The following PLD5 variants were observed in gnomAD, a reference collection of about 807,000 sequenced individuals.
The protein encoded by PLD5 is inactive phospholipase D5.
PLD5 carries 36 observed loss-of-function variants against 61.1 expected under a neutral mutation model. The ratio of observed to expected loss-of-function variants is 0.59; its 90% confidence interval spans 0.45 to 0.78. PLD5 has a LOEUF of 0.78. PLD5 is among the 30% of genes least tolerant of loss of function. The pLI is 0.00. For missense variants in PLD5, 515 were observed against 644.4 expected (o/e 0.80, Z 2.17); for synonymous variants, 243 against 242.8 (o/e 1.00, Z -0.01).
intron 1 of PLD5, among the ~76,000 whole-genome samples, chr1:242,499,592 C>T (rs561157390): frequency 6.6e-6 from 1 of 151,880 alleles, no homozygotes; most frequent in African/African-American, 2.4e-5. Context: ...CTTGTTTTTT[C>T]ACTTTTTGTT....
At chr1:242,234,153 T>G (rs1010836718) in intron 4 of PLD5, among the ~76,000 whole-genome samples, 1 of 152,202 alleles carries the variant, frequency 6.6e-6, no homozygotes, top group Non-Finnish European at 1.5e-5. Flanking sequence ...CAATGTGTCT[T>G]CCATTCCAAA....
chr1:242,383,494 C>T (rs1662423003), intron 1 of PLD5, among the ~76,000 whole-genome samples: 1 of 151,514 alleles, frequency 6.6e-6, no homozygotes, highest in Non-Finnish European at 1.5e-5. Context: ...TTGGACCATG[C>T]TTTATTTTTA....
At chr1:242,306,162 A>G (rs1264407129) in intron 2 of PLD5, among the ~76,000 whole-genome samples, 1 of 151,896 alleles carries the variant, frequency 6.6e-6, no homozygotes, top group Non-Finnish European at 1.5e-5. Flanking sequence ...ACATATAACC[A>G]GAGGGGTCCT....
At chr1:242,302,254 C>T (rs2149162228) in intron 2 of PLD5, among the ~76,000 whole-genome samples, 1 of 152,334 alleles carries the variant, frequency 6.6e-6, no homozygotes, top group East Asian at 1.9e-4. Flanking sequence ...ATGCATTTGT[C>T]AGAACAGATA....
intron 4 of PLD5, among the ~76,000 whole-genome samples, chr1:242,246,917 G>A (rs1672402013): frequency 6.6e-6 from 1 of 151,806 alleles, no homozygotes; most frequent in African/African-American, 2.4e-5. Flanking sequence ...GGCTCAGTGT[G>A]AAAAAGTGAG....
chr1:242,350,349 T>C (rs1443529879), intron 1 of PLD5, among the ~76,000 whole-genome samples: 1 of 151,804 alleles, frequency 6.6e-6, no homozygotes, highest in African/African-American at 2.4e-5. Flanking sequence ...CTTTTAAGGG[T>C]TATTTACAGA....
intron 1 of PLD5, among the ~76,000 whole-genome samples, chr1:242,419,317 C>T (rs1474372214): frequency 3.3e-5 from 5 of 151,480 alleles, no homozygotes; most frequent in African/African-American, 1.2e-4. Flanking sequence ...CGTCGCATGA[C>T]TTGTAGTTTC....
At chr1:242,295,207 G>A (rs558570852) in intron 2 of PLD5, among the ~76,000 whole-genome samples, 1 of 152,076 alleles carries the variant, frequency 6.6e-6, no homozygotes, top group Non-Finnish European at 1.5e-5. Flanking sequence ...TAATGCTGGG[G>A]TTCGGGCTTC....
chr1:242,091,362 G>A (rs879771506), intron 9 of PLD5, among the ~76,000 whole-genome samples: 2 of 152,184 alleles, frequency 1.3e-5, no homozygotes, highest in African/African-American at 4.8e-5. Context: ...CATCTTCAAG[G>A]TGTGGGGGAA....
intron 5 of PLD5, among the ~76,000 whole-genome samples, chr1:242,130,200 C>T (rs917085535): frequency 5.9e-5 from 9 of 152,002 alleles, no homozygotes; most frequent in South Asian, 4.2e-4. Context: ...TACAGGCTCC[C>T]GCCACCACAT....
At chr1:242,257,563 G>A (rs1210468121) in intron 4 of PLD5, among the ~76,000 whole-genome samples, 1 of 152,176 alleles carries the variant, frequency 6.6e-6, no homozygotes, top group Non-Finnish European at 1.5e-5. Flanking sequence ...ACAACATGGT[G>A]ATAACAGTTA....
intron 4 of PLD5, among the ~76,000 whole-genome samples, chr1:242,247,058 A>T (rs1397446286): frequency 6.7e-6 from 1 of 149,564 alleles, no homozygotes; most frequent in East Asian, 2.0e-4. Flanking sequence ...ATCTCGACTC[A>T]CTGCAAGCTC....
At chr1:242,438,382 G>T (rs1339575419) in intron 1 of PLD5, among the ~76,000 whole-genome samples, 3 of 150,408 alleles carry the variant, frequency 2.0e-5, no homozygotes, top group Non-Finnish European at 4.4e-5. Context: ...TCCTGCCTCA[G>T]TCTCCCAAAT....
intron 1 of PLD5, among the ~76,000 whole-genome samples, chr1:242,509,834 T>C (rs1410018081): frequency 7.9e-5 from 12 of 152,194 alleles, no homozygotes; most frequent in Admixed American, 7.9e-4. Flanking sequence ...ACTCGGCGGC[T>C]TATTGGGAGC....
At chr1:242,150,282 T>C (rs1483454811) in intron 5 of PLD5, among the ~76,000 whole-genome samples, 1 of 151,770 alleles carries the variant, frequency 6.6e-6, no homozygotes, top group Non-Finnish European at 1.5e-5. Context: ...TCTGTTGTAC[T>C]GTTTTGGGAT....
chr1:242,391,142 C>A (rs984553772), intron 1 of PLD5, among the ~76,000 whole-genome samples: 30 of 152,122 alleles, frequency 2.0e-4, no homozygotes, highest in African/African-American at 5.8e-4. Context: ...TTGCAGTGAG[C>A]CGAGATTGCA....
chr1:242,108,879 T>C (rs765102200), intron 7 of PLD5, among the ~76,000 whole-genome samples: 10 of 152,216 alleles, frequency 6.6e-5, no homozygotes, highest in Non-Finnish European at 1.0e-4. Context: ...TGCAGATTCA[T>C]GATGCCTTCA....
chr1:242,470,884 T>C, intron 1 of PLD5, among the ~76,000 whole-genome samples: 1 of 152,250 alleles, frequency 6.6e-6, no homozygotes. Context: ...GCTTGTATCC[T>C]GCAGCGCTAA....
Position 242,524,171 on chromosome 1 carries a change from C to A in PLD5, c.106G>T (p.Val36Leu), listed in dbSNP as rs1204167476. The change falls in exon 1 of 10, where the codon GTG (valine) becomes TTG (leucine). Residue 36 changes from valine (V) to leucine (L), a missense_variant. Transcript: ENST00000536534. ...ACGCTGCTGTAGAAGTTCGCGCCCA[C>A]TCGGGTCAGGCTTGGGGAGGGCTCC... ...PKEPSPSLTR[V>L]GANFYSSVKQ... 1 of 1,535,384 alleles carries A rather than the reference C, an allele frequency of 6.5e-7. No individual in the cohort carries two copies. The highest frequency in any genetic ancestry group is 1.4e-5 in the African/African-American group (1 of 72,980).
Sources: allele counts gnomAD v4.1 joint callset (sites outside exome capture counted in the v4.1 genomes callset), GRCh38; gene constraint gnomAD v4.1.1; transcripts MANE v1.5; gene names NCBI Gene and HGNC (gene_info 2026-07-23, HGNC 2026-07-21).